NIPAL3: variants seen among roughly 807,000 people sequenced by gnomAD.
NIPAL3 encodes NIPA like domain containing 3.
Under a neutral mutation model 47.2 loss-of-function variants are expected in NIPAL3, and 41 were observed. The ratio of observed to expected loss-of-function variants is 0.87; its 90% CI spans 0.68 to 1.13. NIPAL3 has a LOEUF of 1.13. Ranked by LOEUF, NIPAL3 falls within the 50% of genes most tolerant of loss-of-function variation. The probability of loss-of-function intolerance (pLI) is 0.00; values close to 1 mark genes in which losing one functional copy is unlikely to be tolerated. For synonymous variants in NIPAL3, 194 were observed against 209.6 expected (o/e 0.93, Z 0.64); for missense variants, 449 against 530.1 (o/e 0.85, Z 1.50).
chr1:24,464,255 T>G (rs1646605584), intron 11 of NIPAL3, 135 bp downstream of exon 11: 22 of 666,574 alleles, frequency 3.3e-5, no homozygotes, highest in Non-Finnish European at 5.1e-5. Context: ...TTTTCTTTTC[T>G]TTTTAATTTT....
chr1:24,419,221 C>T, intron 1 of NIPAL3, 70 bp from the exon 2 acceptor site: 1 of 798,176 alleles, frequency 1.3e-6, no homozygotes, highest in Non-Finnish European at 1.5e-6. Context: ...GTATTCTCTT[C>T]TCAGATAACA....
chr1:24,460,420 G>T (rs945548637), intron 9 of NIPAL3, 61 bp from the exon 10 acceptor site: 1 of 1,380,180 alleles, frequency 7.2e-7, no homozygotes, highest in South Asian at 1.3e-5. Flanking sequence ...ATCCTAGACA[G>T]ACTGGCAGAT....
Position 24,440,205 on chromosome 1 carries a change from G to C in NIPAL3, c.127G>C (p.Gly43Arg), listed in dbSNP as rs780177203. 6.3e-7 allele frequency: 1 copy of C among 1,594,136 alleles called. No individual in the cohort carries two copies. Among genetic ancestry groups the C allele is most frequent in the East Asian group, 2.3e-5 (1 of 43,318 alleles). ...NLIGALLAIF[G>R]HLVVSIALNL... is the part of the protein sequence containing the mutation. ...GATTGGCGCCCTCTTGGCGATCTTC[G>C]GGCACCTCGTGGTCAGCATTGCACT... The change falls in exon 3 of 12, where the codon GGG (glycine) becomes CGG (arginine). Residue 43 changes from glycine to arginine, a missense_variant. By Grantham distance (125) the Gly-to-Arg change is moderately radical (BLOSUM62 -2). Coordinates refer to ENST00000374399, the MANE Select transcript of NIPAL3 (RefSeq NM_020448.5).
intron 2 of NIPAL3, among the ~76,000 whole-genome samples, chr1:24,431,981 C>T (rs944210686): frequency 4.6e-5 from 7 of 151,824 alleles, no homozygotes; most frequent in Non-Finnish European, 1.0e-4. Flanking sequence ...TCCTGTGTAG[C>T]CCTAACCACA....
At chr1:24,463,421 C>G (rs1646564695) in intron 10 of NIPAL3, among the ~76,000 whole-genome samples, 1 of 152,166 alleles carries the variant, frequency 6.6e-6, no homozygotes. Flanking sequence ...TATTTTCTGT[C>G]TTGAACTGGT....
intron 2 of NIPAL3, among the ~76,000 whole-genome samples, chr1:24,434,161 A>G (rs866826305): frequency 3.3e-5 from 5 of 152,222 alleles, no homozygotes; most frequent in African/African-American, 1.2e-4. Flanking sequence ...GGCAGAATAT[A>G]TATTTTAAAA....
Position 24,468,992 on chromosome 1 carries a change from A to T in NIPAL3, c.1028A>T (p.Gln343Leu), listed in dbSNP as rs373907937. The change falls in exon 12 of 12, where the codon CAG (glutamine) becomes CTG (leucine). Residue 343 changes from glutamine (Q) to leucine (L), a missense_variant. Gln to Leu is a moderately radical substitution (Grantham distance 113). Coordinates refer to ENST00000374399, the MANE Select transcript of NIPAL3 (RefSeq NM_020448.5). ...AAAATGGATTTCATTTCAGGTATGC[A>T]GAACATGCACGATAAAGGGATGACT... is the stretch of plus-strand genomic sequence containing the variant. ...YISMDAMPGM[Q>L]NMHDKGMTVQ... 4.6e-5 allele frequency: 75 copies of T among 1,614,024 alleles called. No homozygotes were observed. Among genetic ancestry groups the T allele is most frequent in the Non-Finnish European group, 6.2e-5 (73 of 1,180,012 alleles).
chr1:24,436,444 A>G (rs78670051), intron 2 of NIPAL3, among the ~76,000 whole-genome samples: 3,633 of 151,232 alleles, frequency 0.024, 131 homozygotes, highest in African/African-American at 0.078. Context: ...CAACTTTTCT[A>G]GCTTGTCTGC....
intron 11 of NIPAL3, among the ~76,000 whole-genome samples, chr1:24,468,399 A>G (rs937918384): frequency 7.2e-5 from 11 of 152,218 alleles, no homozygotes; most frequent in African/African-American, 2.7e-4. Flanking sequence ...AGGTAAAGGA[A>G]TTAAAGATTA....
At chr1:24,465,790 C>G (rs751112860) in intron 11 of NIPAL3, 2 of 494,682 alleles carry the variant, frequency 4.0e-6, no homozygotes, top group African/African-American at 2.0e-5. Flanking sequence ...AGGCCTCTTG[C>G]ACGGTGTCTG....
chr1:24,415,952 C>T (rs1279337347), intron 1 of NIPAL3, 48 bp downstream of exon 1: 1 of 984,358 alleles, frequency 1.0e-6, no homozygotes, highest in East Asian at 1.1e-4. Context: ...ATTTAACCTT[C>T]GTTTTTTTCT....
upstream of NIPAL3, chr1:24,415,382 T>C (rs559487095): frequency 6.6e-6 from 1 of 152,142 alleles, no homozygotes; most frequent in Non-Finnish European, 1.5e-5. Context: ...GAATACTTGG[T>C]GAGAGCGTCG....
chr1:24,463,519 A>G (rs78939055), intron 10 of NIPAL3, among the ~76,000 whole-genome samples: 4,595 of 152,262 alleles, frequency 0.03, 232 homozygotes, highest in African/African-American at 0.1. Flanking sequence ...ATGTTTAGAA[A>G]GTATGCTTGT....
chr1:24,449,129 G>T lies in NIPAL3; in HGVS notation c.395-352G>T, dbSNP rs1381202449. ...CAGGTCAAGATAGTGTAACCCTGAG[G>T]GTGGGGTCTAGTAATCAATTTCACA... On this transcript the variant is annotated intron_variant, in intron 5 of 11. Transcript: ENST00000374399. The surrounding 1 kb of genome is among the most constrained non-coding windows in gnomAD (Gnocchi z 4.5). Among the ~76,000 whole-genome samples, 1 of 152,164 alleles carries T rather than the reference G, an allele frequency of 6.6e-6. No individual in the cohort carries two copies.
intron 2 of NIPAL3, among the ~76,000 whole-genome samples, chr1:24,428,254 AAGAAAGAGAGAG>A (rs1467322540): frequency 5.5e-5 from 3 of 54,134 alleles, no homozygotes; most frequent in Non-Finnish European, 1.2e-4. Flanking sequence ...CTGTCTCAAA[AAGAAAGAGAGAG>A]AGAGAGAGAG....
chr1:24,430,631 G>A (rs190881820), intron 2 of NIPAL3, among the ~76,000 whole-genome samples: 2 of 152,292 alleles, frequency 1.3e-5, no homozygotes, highest in South Asian at 2.1e-4. Context: ...ATCAGCTAAC[G>A]ATACAATCAG....
intron 6 of NIPAL3, among the ~76,000 whole-genome samples, chr1:24,452,580 C>T (rs905726643): frequency 1.3e-5 from 2 of 152,176 alleles, no homozygotes; most frequent in Non-Finnish European, 2.9e-5. Context: ...CAAGGCCACA[C>T]GACTAGTTTA....
At chr1:24,427,427 GTTATA>G (rs1411021343) in intron 2 of NIPAL3, among the ~76,000 whole-genome samples, 1 of 152,200 alleles carries the variant, frequency 6.6e-6, no homozygotes, top group Non-Finnish European at 1.5e-5. Flanking sequence ...CTTAGGTGGA[GTTATA>G]TTATGCTATT....
chr1:24,417,509 G>A (rs1194045185), intron 1 of NIPAL3, among the ~76,000 whole-genome samples: 2 of 152,180 alleles, frequency 1.3e-5, no homozygotes, highest in Middle Eastern at 3.2e-3. Flanking sequence ...CCACAAGATT[G>A]CAAACACATA....
Sources: gnomAD v4.1 joint callset for allele counts (sites outside exome capture counted in the v4.1 genomes callset) on GRCh38, gnomAD v4.1.1 for gene constraint, Gnocchi (gnomAD v3.1) non-coding constraint, MANE v1.5 for transcripts, NCBI Gene and HGNC (gene_info 2026-07-23, HGNC 2026-07-21) for gene names.